The following MOV10L1 variants were observed in gnomAD, a reference collection of about 807,000 sequenced individuals.
MOV10L1 encodes the protein RNA helicase Mov10l1.
Under a neutral mutation model 143.8 loss-of-function variants are expected in MOV10L1, and 110 were observed. The observed-to-expected ratio is 0.76, with a 90% confidence interval of 0.66 to 0.90. The LOEUF (loss-of-function observed/expected upper bound fraction) is 0.90, where lower values mean the gene tolerates loss of function less well. Among genes scored for constraint, MOV10L1 ranks in the 40% least tolerant of loss-of-function variants. The pLI is 0.00. For synonymous variants in MOV10L1, 593 were observed against 581.1 expected, an observed-to-expected ratio of 1.02 and a Z score of -0.29; for missense variants, 1,406 against 1,526.8, an observed-to-expected ratio of 0.92 and a Z score of 1.32.
At chr22:50,134,474 A>G (rs2062765393) in intron 14 of MOV10L1, 56 bp from the exon 15 acceptor site, 1 of 1,441,466 alleles carries the variant, frequency 6.9e-7, no homozygotes, top group African/African-American at 1.4e-5. Flanking sequence ...ACCTCTATTA[A>G]TATTTTTTTA....
At chr22:50,140,052 T>C (rs2062936388) in intron 15 of MOV10L1, among the ~76,000 whole-genome samples, 1 of 152,192 alleles carries the variant, frequency 6.6e-6, no homozygotes, top group African/African-American at 2.4e-5. Flanking sequence ...CAGCTGGGTT[T>C]TTAATCACCA....
intron 2 of MOV10L1, among the ~76,000 whole-genome samples, chr22:50,098,033 C>T (rs916144998): frequency 6.6e-6 from 1 of 151,992 alleles, no homozygotes; most frequent in Admixed American, 6.6e-5. Context: ...GATGGGGTTT[C>T]ACCATGTTGA....
Position 50,130,683 on chromosome 22 carries a change from G to A in MOV10L1, c.1910+2176G>A, listed in dbSNP as rs569567597. 5.9e-5 allele frequency among the ~76,000 whole-genome samples: 9 copies of A among 152,190 alleles called. No individual in the cohort carries two copies. In the South Asian group the frequency reaches 1.5e-3, roughly 25 times the overall value. On this transcript the variant is annotated intron_variant, in intron 13 of 26. Transcript: ENST00000262794. The stretch of plus-strand genomic sequence containing the variant: ...AGGGGCAGCTGTGTTGGATGATGAC[G>A]TGTGAGGGTTGGCTGGGACCACAGG...
chr22:50,090,601 T>C, intron 1 of MOV10L1: 1 of 1,501,534 alleles, frequency 6.7e-7, no homozygotes. Context: ...CATTTCCTTG[T>C]CTGGTTTTCA....
intron 10 of MOV10L1, 126 bp downstream of exon 10, chr22:50,120,742 G>A (rs2062316102): frequency 2.9e-6 from 2 of 695,170 alleles, no homozygotes; most frequent in African/African-American, 3.6e-5. Flanking sequence ...AGGTAGCTGG[G>A]ATAACGAGGG....
At chr22:50,114,284 G>A (rs1371297307) in intron 6 of MOV10L1, 97 bp from the exon 7 acceptor site, 9 of 1,416,036 alleles carry the variant, frequency 6.4e-6, no homozygotes, top group Non-Finnish European at 8.7e-6. Flanking sequence ...TGTATTTGCA[G>A]TCACCACTTC....
In MOV10L1 at chr22:50,144,194, T is replaced by C. The variant is rs1234620376; in HGVS notation, c.2456T>C (p.Leu819Pro). The C allele has an allele frequency of 6.2e-7, 1 of 1,612,158 alleles. No individual in the cohort carries two copies. Among genetic ancestry groups the C allele is most frequent in the Non-Finnish European group, 8.5e-7 (1 of 1,178,476 alleles). Residue 819 changes from leucine to proline, a missense_variant, in exon 18 of 27, where the codon CTA becomes CCA. This residue lies in a region of MOV10L1 where 1,233 missense variants were observed against 1,351.4 expected (regional missense o/e 0.91). Coordinates refer to ENST00000262794, the MANE Select transcript of MOV10L1 (RefSeq NM_018995.3). ...VCLRLHESKVLQPATMVRVNA... is the reference protein window; with the variant it reads ...VCLRLHESKVPQPATMVRVNA... Reference sequence around the variant, plus strand: ...CTGCGGCTGCACGAGAGCAAGGTGCTACAGCCGGCCACCATGGTCCGGGTG... The same window carrying C: ...CTGCGGCTGCACGAGAGCAAGGTGCCACAGCCGGCCACCATGGTCCGGGTG...
At chr22:50,146,587 C>A (rs1252720901) in intron 19 of MOV10L1, among the ~76,000 whole-genome samples, 1 of 152,168 alleles carries the variant, frequency 6.6e-6, no homozygotes, top group East Asian at 1.9e-4. Flanking sequence ...GGAAGCCCCA[C>A]CCTCCCTGAC....
chr22:50,155,684 C>G lies in MOV10L1; in HGVS notation c.3067-2373C>G, dbSNP rs541278600. 9.2e-5 allele frequency among the ~76,000 whole-genome samples: 14 copies of G among 152,276 alleles called. No homozygotes were observed. The East Asian group carries it at 2.7e-3, about 30-fold the overall frequency. On this transcript the variant is annotated intron_variant, in intron 22 of 26. Transcript: ENST00000262794. Reference sequence around the variant, plus strand: ...AGAGACGGGGTTTCACCATGTTGGCCCAGCTGGTCTCGAACTCCTGACGTC... The same window carrying G: ...AGAGACGGGGTTTCACCATGTTGGCGCAGCTGGTCTCGAACTCCTGACGTC...
At chr22:50,104,092 C>A (rs191875393) in intron 3 of MOV10L1, among the ~76,000 whole-genome samples, 2 of 152,158 alleles carry the variant, frequency 1.3e-5, no homozygotes, top group Admixed American at 1.3e-4. Context: ...ATAAGGAGCA[C>A]GCAACCTAGA....
intron 1 of MOV10L1, chr22:50,091,319 C>T (rs2062435163): frequency 1.2e-5 from 2 of 167,394 alleles, no homozygotes; most frequent in South Asian, 2.1e-4. Context: ...AAGGCACGTT[C>T]AGGACTCAGG....
intron 8 of MOV10L1, among the ~76,000 whole-genome samples, chr22:50,116,845 A>G (rs2062193698): frequency 1.3e-5 from 2 of 151,854 alleles, no homozygotes; most frequent in African/African-American, 4.8e-5. Flanking sequence ...TTGCAGAGAC[A>G]GGTTCATCCT....
intron 2 of MOV10L1, chr22:50,092,915 T>G (rs1259121008): frequency 6.6e-6 from 1 of 152,174 alleles, no homozygotes; most frequent in African/African-American, 2.4e-5. Context: ...TTGTTTTTGT[T>G]TTTTTCTGAG....
chr22:50,113,833 C>T, intron 6 of MOV10L1, 45 bp downstream of exon 6: 1 of 1,468,616 alleles, frequency 6.8e-7, no homozygotes, highest in South Asian at 1.5e-5. Context: ...ACATTAATGG[C>T]TTTTACACTA....
intron 13 of MOV10L1, among the ~76,000 whole-genome samples, chr22:50,132,441 A>T (rs187389118): frequency 1.1e-3 from 163 of 152,300 alleles, no homozygotes; most frequent in African/African-American, 3.9e-3. Flanking sequence ...CAGCCCTTGA[A>T]AAGGGTATGT....
At position 50,144,110 on chromosome 22, in the gene MOV10L1, TG is replaced by T. The variant is rs2063067705; in HGVS notation, c.2373del (p.Leu791PhefsTer7). On this transcript the variant is annotated frameshift_variant, in exon 18 of 27. Coordinates refer to ENST00000262794, the MANE Select transcript of MOV10L1 (RefSeq NM_018995.3). LOFTEE classifies it high-confidence loss of function. ...TCTTTGATGAAGGTACACTTTGCCT[TG>T]CCGGACAGTCGGATTTTAGTCTGTG... is the stretch of plus-strand genomic sequence containing the variant. ...IEAVLQVHFA[L>X]PDSRILVCAP... 6.8e-6 allele frequency: 11 copies of T among 1,609,848 alleles called. No homozygotes were observed. The highest frequency in any genetic ancestry group is 9.4e-6 in the Non-Finnish European group (11 of 1,176,428).
intron 3 of MOV10L1, among the ~76,000 whole-genome samples, chr22:50,100,785 G>A (rs1455184188): frequency 3.3e-5 from 5 of 152,124 alleles, no homozygotes; most frequent in East Asian, 3.9e-4. Flanking sequence ...GATTACAGGC[G>A]TGAGCCACCA....
intron 21 of MOV10L1, 28 bp downstream of exon 21, chr22:50,150,927 G>A (rs371422227): frequency 6.2e-7 from 1 of 1,613,226 alleles, no homozygotes; most frequent in African/African-American, 1.3e-5. Context: ...GCGCGTTCAG[G>A]TCCCCAGCTA....
rs555690386 is a variant in MOV10L1, at chr22:50,147,952, C to T, written c.2628-1663C>T. ...GGTGTCAGCTGACCGTGAGTGGATG[C>T]AGGACATGTTGGGCCCAGCACTGCT... On this transcript the variant is annotated intron_variant, in intron 19 of 26. Transcript: ENST00000262794. Among the ~76,000 whole-genome samples the T allele has an allele frequency of 1.6e-4, 24 of 152,344 alleles. No individual in the cohort carries two copies. The South Asian group carries it at 4.6e-3, about 29-fold the overall frequency.
Sources: allele counts gnomAD v4.1 joint callset (sites outside exome capture counted in the v4.1 genomes callset), GRCh38; gene constraint gnomAD v4.1.1; regional missense constraint gnomAD v4.1.1; transcripts MANE v1.5; gene names NCBI Gene and HGNC (gene_info 2026-07-23, HGNC 2026-07-21).